ENPP1: variants seen among roughly 807,000 people sequenced by gnomAD.
The protein encoded by ENPP1 is ectonucleotide pyrophosphatase/phosphodiesterase family member 1.
ENPP1 carries 73 observed loss-of-function variants against 122.8 expected under a neutral mutation model. That is an observed-to-expected ratio of 0.59 (90% CI 0.49 to 0.72). ENPP1 has a LOEUF of 0.72. Ranked by LOEUF, ENPP1 falls within the 30% of genes least tolerant of loss-of-function variation. The probability of loss-of-function intolerance (pLI) is 0.00; values close to 1 mark genes in which losing one functional copy is unlikely to be tolerated. For synonymous variants in ENPP1, 367 were observed against 391.6 expected (o/e 0.94, Z 0.74); for missense variants, 978 against 1,128.1 (o/e 0.87, Z 1.91).
Position 131,879,977 on chromosome 6 carries a change from T to G in ENPP1, c.2043T>G (p.Ser681Arg), listed in dbSNP as rs780940149. 2 of 1,614,066 alleles carry G rather than the reference T, an allele frequency of 1.2e-6. No individual in the cohort carries two copies. Among genetic ancestry groups the G allele is most frequent in the Non-Finnish European group, 1.7e-6 (2 of 1,179,936 alleles). ...TTCTTTCCCAGCACCAGTTTATGAG[T>G]GGATACAGCCAAGACATCTTAATGC... ...ICLLSQHQFMSGYSQDILMPL... is the reference protein window; with the variant it reads ...ICLLSQHQFMRGYSQDILMPL... The change falls in exon 20 of 25, where the codon AGT (serine) becomes AGG (arginine). Residue 681 changes from serine to arginine, a missense_variant. Ser to Arg is a moderately radical substitution (Grantham distance 110). Transcript: ENST00000647893.
At chr6:131,864,427 C>T (rs1782062142) in intron 9 of ENPP1, 79 bp from the exon 10 acceptor site, 1 of 916,524 alleles carries the variant, frequency 1.1e-6, no homozygotes, top group South Asian at 1.4e-5. Flanking sequence ...CTCTTAATGA[C>T]ATTTTCAATG....
chr6:131,827,618 T>G, intron 1 of ENPP1: 1 of 596,466 alleles, frequency 1.7e-6, no homozygotes, highest in Non-Finnish European at 3.1e-6. Flanking sequence ...GAGCACAAAA[T>G]GACTTTGACT....
chr6:131,885,433 T>A (rs1366238379), intron 23 of ENPP1, among the ~76,000 whole-genome samples: 2 of 152,056 alleles, frequency 1.3e-5, no homozygotes, highest in Non-Finnish European at 2.9e-5. Context: ...ATATCCTGAG[T>A]CTAGGAATGA....
intron 21 of ENPP1, among the ~76,000 whole-genome samples, chr6:131,883,282 C>T (rs967567757): frequency 3.9e-5 from 6 of 152,114 alleles, no homozygotes; most frequent in African/African-American, 1.4e-4. Flanking sequence ...TATGGTGTTT[C>T]GAGACAGACA....
chr6:131,873,453 T>G (rs985924810), intron 15 of ENPP1, among the ~76,000 whole-genome samples: 15 of 152,196 alleles, frequency 9.9e-5, no homozygotes, highest in Non-Finnish European at 2.9e-5. Flanking sequence ...CATTTGTTAC[T>G]GCTTGCCATT....
At chr6:131,885,866 C>T (rs1340303998) in intron 23 of ENPP1, among the ~76,000 whole-genome samples, 2 of 152,206 alleles carry the variant, frequency 1.3e-5, no homozygotes, top group Non-Finnish European at 2.9e-5. Flanking sequence ...AAGAGAACTG[C>T]ATATGCTTCC....
intron 1 of ENPP1, among the ~76,000 whole-genome samples, chr6:131,822,587 A>G (rs538115135): frequency 1.3e-5 from 2 of 152,130 alleles, no homozygotes; most frequent in Non-Finnish European, 1.5e-5. Flanking sequence ...ACTTTTAAAA[A>G]AAAAAAAACA....
rs561770601 is a variant in ENPP1 at position 131,827,837 on chromosome 6, C to T, written c.240+19562C>T. The stretch of plus-strand genomic sequence containing the variant: ...CTGGAATCTATGTCAGTTGAACACC[C>T]TGAGGACGAAAGCAAAATCTTGGAC... On this transcript the variant is annotated intron_variant, in intron 1 of 24. Coordinates refer to ENST00000647893, the MANE Select transcript of ENPP1 (RefSeq NM_006208.3). The T allele has an allele frequency of 1.3e-5, 18 of 1,356,150 alleles. No individual in the cohort carries two copies. In the South Asian group the frequency reaches 2.0e-4, roughly 15 times the overall value. The allele number at this position is 1,356,150 out of a possible 1,614,324, so 84.0% of individuals were successfully genotyped here.
chr6:131,878,263 A>G lies in ENPP1; in HGVS notation c.1894-279A>G, dbSNP rs3757297. 0.076 allele frequency among the ~76,000 whole-genome samples: 11,575 copies of G among 151,826 alleles called. 714 individuals carry two copies. The highest frequency in any genetic ancestry group is 0.16 in the African/African-American group (6,725 of 41,384). ...CTAAAAAAATTAGCTGGGCATGGTGACATATGCCTGGAGTCCCATTTACTT... is the reference window on the plus strand; with the variant it reads ...CTAAAAAAATTAGCTGGGCATGGTGGCATATGCCTGGAGTCCCATTTACTT... On this transcript the variant is annotated intron_variant, in intron 18 of 24. Coordinates refer to ENST00000647893, the MANE Select transcript of ENPP1 (RefSeq NM_006208.3).
intron 1 of ENPP1, among the ~76,000 whole-genome samples, chr6:131,816,879 C>T (rs1188247398): frequency 6.6e-6 from 1 of 152,106 alleles, no homozygotes; most frequent in Non-Finnish European, 1.5e-5. Flanking sequence ...GTCAATTCTG[C>T]TTTACAGATA....
intron 7 of ENPP1, 104 bp downstream of exon 7, chr6:131,858,851 C>G: frequency 1.1e-6 from 1 of 871,760 alleles, no homozygotes; most frequent in Non-Finnish European, 1.9e-6. Flanking sequence ...ACTTATTTTC[C>G]AATAGGTAGT....
At chr6:131,820,051 C>T (rs1781464686) in intron 1 of ENPP1, 1 of 540,396 alleles carries the variant, frequency 1.9e-6, no homozygotes, top group Admixed American at 2.2e-5. Flanking sequence ...TGGAGACTGA[C>T]TCCAGCTGTC....
At chr6:131,834,644 C>A (rs1302160404) in intron 1 of ENPP1, among the ~76,000 whole-genome samples, 1 of 151,736 alleles carries the variant, frequency 6.6e-6, no homozygotes, top group Non-Finnish European at 1.5e-5. Flanking sequence ...AGTTCTCCTG[C>A]CTTAGGCCCC....
intron 1 of ENPP1, chr6:131,827,768 C>G: frequency 1.3e-6 from 1 of 763,700 alleles, no homozygotes; most frequent in Non-Finnish European, 2.3e-6. Context: ...CTTTCTATAC[C>G]AGCTGACTCC....
chr6:131,860,598 C>G, intron 8 of ENPP1, 92 bp downstream of exon 8: 1 of 977,654 alleles, frequency 1.0e-6, no homozygotes, highest in South Asian at 1.4e-5. Flanking sequence ...CTTTTAATAA[C>G]TGATTTCATT....
chr6:131,824,580 G>T (rs1348985960), intron 1 of ENPP1, among the ~76,000 whole-genome samples: 11 of 151,862 alleles, frequency 7.2e-5, no homozygotes, highest in Admixed American at 7.2e-4. Flanking sequence ...TCAGCCTCCC[G>T]AGTAGCTGGG....
In ENPP1 at chr6:131,851,256, C is replaced by T; in HGVS notation, c.545C>T (p.Ser182Phe). Residue 182 changes from serine (S) to phenylalanine (F), a missense_variant, in exon 4 of 25, where the codon TCT becomes TTT. Coordinates refer to ENST00000647893, the MANE Select transcript of ENPP1 (RefSeq NM_006208.3). ...GGCGACTGCTGCATCAACTACAGTTCTGTGTGTCAAGGTCAGGTGCTCGTT... is the reference window on the plus strand; with the variant it reads ...GGCGACTGCTGCATCAACTACAGTTTTGTGTGTCAAGGTCAGGTGCTCGTT... The part of the protein sequence containing the change: ...DKGDCCINYS[S>F]VCQGEKSWVE... 1 of 1,614,130 alleles carries T rather than the reference C, an allele frequency of 6.2e-7. No homozygotes were observed. Among genetic ancestry groups the T allele is most frequent in the Non-Finnish European group, 8.5e-7 (1 of 1,179,978 alleles).
At chr6:131,852,323 T>A in intron 5 of ENPP1, 88 bp downstream of exon 5, 1 of 812,604 alleles carries the variant, frequency 1.2e-6, no homozygotes, top group Non-Finnish European at 2.1e-6. Context: ...ATAAAAATAA[T>A]AAAATCACTG....
chr6:131,831,195 A>G (rs1336965625), intron 1 of ENPP1, among the ~76,000 whole-genome samples: 4 of 151,770 alleles, frequency 2.6e-5, no homozygotes, highest in Non-Finnish European at 5.9e-5. Context: ...TGGTAGAATA[A>G]TATGGATTCA....
Sources: gnomAD v4.1 joint callset for allele counts (sites outside exome capture counted in the v4.1 genomes callset) on GRCh38, gnomAD v4.1.1 for gene constraint, MANE v1.5 for transcripts, NCBI Gene and HGNC (gene_info 2026-07-23, HGNC 2026-07-21) for gene names.